The following THSD7A variants were observed in gnomAD, a reference collection of about 807,000 sequenced individuals.
THSD7A encodes the protein thrombospondin type-1 domain-containing protein 7A.
THSD7A carries 96 observed loss-of-function variants against 231.3 expected under a neutral mutation model. The observed-to-expected ratio is 0.41, with a 90% confidence interval of 0.35 to 0.49. The LOEUF is 0.49. THSD7A is among the 20% of genes least tolerant of loss of function. The pLI, the probability that THSD7A is intolerant of heterozygous loss-of-function variation, is 0.05. For synonymous variants in THSD7A, 940 were observed against 743.3 expected (o/e 1.26, Z -4.30); for missense variants, 2,290 against 2,070.2 (o/e 1.11, Z -2.06).
chr7:11,593,162 A>T lies in THSD7A; in HGVS notation c.1271+92T>A. 3.4e-6 allele frequency: 5 copies of T among 1,484,386 alleles called. No homozygotes were observed. In the South Asian group the frequency reaches 6.8e-5, roughly 20 times the overall value. 92.0% of individuals were successfully genotyped at this position (1,484,386 alleles called of 1,614,324 possible). A position where few individuals can be genotyped will look rare whatever the true frequency, so the allele number is the denominator to read the frequency against. ...TGTAAAGATATTTTTTATGTGTAAA[A>T]ATTACTGTTGCTTAGAGTACTGTTC... On this transcript the variant is annotated intron_variant, in intron 3 of 27. Coordinates refer to ENST00000423059, the MANE Select transcript of THSD7A (RefSeq NM_015204.3).
Position 11,637,470 on chromosome 7 carries a change from T to C in THSD7A, c.191-509A>G, listed in dbSNP as rs1781911965. 6.6e-6 allele frequency among the ~76,000 whole-genome samples: 1 copy of C among 152,134 alleles called. No individual in the cohort carries two copies. The highest frequency in any genetic ancestry group is 2.1e-4 in the South Asian group (1 of 4,828). Reference sequence around the variant, plus strand: ...TTTTCATAGACTATGACTGCAAGGGTCTAATAGTTGTATATCATGTGTGCC... The same window carrying C: ...TTTTCATAGACTATGACTGCAAGGGCCTAATAGTTGTATATCATGTGTGCC... On this transcript the variant is annotated intron_variant, in intron 1 of 27. Transcript: ENST00000423059. The surrounding 1 kb of genome is among the most constrained non-coding windows in gnomAD (Gnocchi z 4.2).
intron 1 of THSD7A, among the ~76,000 whole-genome samples, chr7:11,704,695 A>G (rs1470460458): frequency 2.0e-5 from 3 of 151,142 alleles, no homozygotes; most frequent in Middle Eastern, 3.4e-3. Context: ...GGGTCCACGA[A>G]TTCCATGTGA....
intron 1 of THSD7A, among the ~76,000 whole-genome samples, chr7:11,696,405 A>G (rs73294567): frequency 0.016 from 2,479 of 151,434 alleles, 72 homozygotes; most frequent in African/African-American, 0.057. Flanking sequence ...ATTATAAAGA[A>G]CTCTTAAAAT....
At chr7:11,398,923 G>T (rs909462223) in intron 23 of THSD7A, among the ~76,000 whole-genome samples, 1 of 152,174 alleles carries the variant, frequency 6.6e-6, no homozygotes, top group Non-Finnish European at 1.5e-5. Flanking sequence ...GACCACGTGG[G>T]TAAACAAGCT....
Position 11,509,821 on chromosome 7 carries a change from C to CAAAAAAAAAAAAAAAAAAAAAAA in THSD7A, c.1823-27840_1823-27839insTTTTTTTTTTTTTTTTTTTTTTT, listed in dbSNP as rs751048602. On this transcript the variant is annotated intron_variant, in intron 6 of 27. Transcript: ENST00000423059. ...TGGGCGACAGAGCCAGAGTCCGTCT[C>CAAAAAAAAAAAAAAAAAAAAAAA]AAAAAAAAAAAAAAATAACATCTGA... Among the ~76,000 whole-genome samples, 85 of 39,914 alleles carry CAAAAAAAAAAAAAAAAAAAAAAA rather than the reference C, an allele frequency of 2.1e-3. 8 individuals carry two copies. Among genetic ancestry groups the CAAAAAAAAAAAAAAAAAAAAAAA allele is most frequent in the Non-Finnish European group, 3.1e-3 (50 of 16,246 alleles). The allele number at this position is 39,914 out of a possible 152,430, so 26.2% of individuals were successfully genotyped here. A position where few individuals can be genotyped will look rare whatever the true frequency, so the allele number is the denominator to read the frequency against.
At chr7:11,568,657 AAAATCTGGAAC>A (rs1458968008) in intron 4 of THSD7A, among the ~76,000 whole-genome samples, 1 of 93,972 alleles carries the variant, frequency 1.1e-5, no homozygotes, top group Non-Finnish European at 2.5e-5. Context: ...AAAAAAAACC[AAAATCTGGAAC>A]AAGGTAAAGA....
At chr7:11,806,680 G>A (rs991544236) in intron 1 of THSD7A, among the ~76,000 whole-genome samples, 2 of 152,034 alleles carry the variant, frequency 1.3e-5, no homozygotes, top group African/African-American at 4.8e-5. Context: ...ACTTGTTACT[G>A]GTAATTTCAG....
chr7:11,715,584 T>A (rs1157420044), intron 1 of THSD7A, among the ~76,000 whole-genome samples: 1 of 151,488 alleles, frequency 6.6e-6, no homozygotes, highest in Non-Finnish European at 1.5e-5. Context: ...AGAATTTTGA[T>A]TTGAGAATTA....
intron 6 of THSD7A, among the ~76,000 whole-genome samples, chr7:11,507,159 C>G (rs979553178): frequency 1.3e-5 from 2 of 152,240 alleles, no homozygotes; most frequent in Non-Finnish European, 2.9e-5. Flanking sequence ...GCCAGGATTT[C>G]TAAAGAGCAA....
At chr7:11,754,047 A>G (rs1342202473) in intron 1 of THSD7A, among the ~76,000 whole-genome samples, 1 of 152,066 alleles carries the variant, frequency 6.6e-6, no homozygotes, top group Non-Finnish European at 1.5e-5. Context: ...TAGAAGATAC[A>G]TAAAGAAACT....
At chr7:11,529,507 C>T (rs1788613579) in intron 6 of THSD7A, among the ~76,000 whole-genome samples, 1 of 152,018 alleles carries the variant, frequency 6.6e-6, no homozygotes, top group South Asian at 2.1e-4. Flanking sequence ...GAGGTATTTA[C>T]ATCATGGGGA....
At chr7:11,737,975 T>C (rs1228792400) in intron 1 of THSD7A, among the ~76,000 whole-genome samples, 1 of 152,018 alleles carries the variant, frequency 6.6e-6, no homozygotes, top group Admixed American at 6.6e-5. Context: ...TGCATGACTC[T>C]CTCATTATTC....
intron 6 of THSD7A, among the ~76,000 whole-genome samples, chr7:11,540,436 A>T (rs1393505157): frequency 6.6e-6 from 1 of 152,228 alleles, no homozygotes; most frequent in Non-Finnish European, 1.5e-5. Flanking sequence ...AATAGGATGG[A>T]AAGAATTATG....
intron 6 of THSD7A, among the ~76,000 whole-genome samples, chr7:11,498,415 G>A (rs184919772): frequency 6.6e-6 from 1 of 152,024 alleles, no homozygotes; most frequent in East Asian, 2.0e-4. Context: ...CTCACTGGGT[G>A]GAACCTCCCA....
At chr7:11,503,103 C>G (rs1787404208) in intron 6 of THSD7A, among the ~76,000 whole-genome samples, 1 of 152,058 alleles carries the variant, frequency 6.6e-6, no homozygotes. Context: ...GGTACTGATT[C>G]CAAAACAGGC....
intron 4 of THSD7A, 142 bp from the exon 5 acceptor site, chr7:11,543,259 T>C: frequency 1.6e-6 from 1 of 637,728 alleles, no homozygotes; most frequent in African/African-American, 1.8e-5. Context: ...CTCAGCCACA[T>C]CCTGAGAATA....
chr7:11,821,334 T>C (rs545049121), intron 1 of THSD7A: 123 of 738,562 alleles, frequency 1.7e-4, no homozygotes, highest in Admixed American at 2.9e-4. Context: ...TTTCATTTCA[T>C]TTGGAGCTAA....
chr7:11,531,044 T>C (rs1788689113), intron 6 of THSD7A, among the ~76,000 whole-genome samples: 1 of 152,070 alleles, frequency 6.6e-6, no homozygotes, highest in Non-Finnish European at 1.5e-5. Context: ...AGCAGCTGAA[T>C]GATGTGATCA....
intron 6 of THSD7A, among the ~76,000 whole-genome samples, chr7:11,497,922 C>T (rs758041732): frequency 6.6e-6 from 1 of 152,146 alleles, no homozygotes; most frequent in Non-Finnish European, 1.5e-5. Context: ...GGAAACCATG[C>T]TTCCCCCACA....
Sources: allele counts gnomAD v4.1 joint callset (sites outside exome capture counted in the v4.1 genomes callset), GRCh38; gene constraint gnomAD v4.1.1; non-coding constraint Gnocchi (gnomAD v3.1); transcripts MANE v1.5; gene names NCBI Gene and HGNC (gene_info 2026-07-23, HGNC 2026-07-21).